Variants in LCMT1 observed in about 807,000 individuals in gnomAD.
LCMT1 encodes [Phosphatase 2A protein]-leucine-carboxy methyltransferase 1.
A neutral mutation model predicts 47.7 loss-of-function variants in LCMT1; 32 were observed. The observed-to-expected ratio is 0.67, with a 90% CI of 0.51 to 0.90. The LOEUF is 0.90. LCMT1 is among the 40% of genes least tolerant of loss of function. LCMT1 has a pLI of 0.00. For missense variants in LCMT1, 375 were observed against 415.2 expected (o/e 0.90, Z 0.84); for synonymous variants, 152 against 149.7 (o/e 1.02, Z -0.11).
intron 5 of LCMT1, among the ~76,000 whole-genome samples, chr16:25,158,303 C>T (rs1351398887): frequency 1.3e-5 from 2 of 152,222 alleles, no homozygotes; most frequent in African/African-American, 2.4e-5. Context: ...AGGTGTGCAC[C>T]ACCACGCCTG....
intron 2 of LCMT1, among the ~76,000 whole-genome samples, chr16:25,130,066 C>T (rs1320670395): frequency 6.6e-6 from 1 of 152,128 alleles, no homozygotes; most frequent in Non-Finnish European, 1.5e-5. Context: ...CAGGGCTGGA[C>T]GTGATGGCTC....
At chr16:25,121,735 A>T (rs1458548969) in intron 1 of LCMT1, among the ~76,000 whole-genome samples, 1 of 152,202 alleles carries the variant, frequency 6.6e-6, no homozygotes, top group Admixed American at 6.5e-5. Context: ...AGATCTCATG[A>T]CATGAGAACA....
chr16:25,120,743 T>TTG (rs1959953332), intron 1 of LCMT1, among the ~76,000 whole-genome samples: 1 of 145,288 alleles, frequency 6.9e-6, no homozygotes, highest in African/African-American at 2.6e-5. Flanking sequence ...TTTTTTGTTT[T>TTG]TTTTTTTTGT....
At chr16:25,141,159 A>G (rs535645447) in intron 4 of LCMT1, 2 of 152,312 alleles carry the variant, frequency 1.3e-5, no homozygotes, top group African/African-American at 4.8e-5. Context: ...AACCTGAAAG[A>G]CACAAACTTT....
intron 10 of LCMT1, among the ~76,000 whole-genome samples, chr16:25,176,357 C>T (rs999493547): frequency 6.6e-5 from 10 of 151,962 alleles, no homozygotes; most frequent in African/African-American, 2.2e-4. Context: ...TGGTCACAAG[C>T]GGGCAGCTGA....
intron 4 of LCMT1, chr16:25,145,066 C>T (rs902893094): frequency 3.9e-5 from 6 of 152,214 alleles, no homozygotes; most frequent in African/African-American, 1.4e-4. Flanking sequence ...CCAAATACTA[C>T]AGAAGCCCAC....
In LCMT1 at chr16:25,150,624, G is replaced by T. The variant is rs563561551; in HGVS notation, c.405-930G>T. ...CTCTCAAAGTGCTGGGATTACAGGC[G>T]TGAGCCACTGTGCCTGGCCCGCATC... is the stretch of plus-strand genomic sequence containing the variant. On this transcript the variant is annotated intron_variant, in intron 4 of 10. Coordinates refer to ENST00000399069, the MANE Select transcript of LCMT1 (RefSeq NM_016309.3). Among the ~76,000 whole-genome samples, 60 of 152,034 alleles carry T rather than the reference G, an allele frequency of 3.9e-4. No individual in the cohort carries two copies. In the Middle Eastern group the frequency reaches 0.01, roughly 26 times the overall value.
intron 1 of LCMT1, among the ~76,000 whole-genome samples, chr16:25,125,024 A>T (rs1270994555): frequency 6.6e-6 from 1 of 152,192 alleles, no homozygotes; most frequent in Non-Finnish European, 1.5e-5. Context: ...GACTGGGAAA[A>T]TCTTTGAGGT....
chr16:25,146,075 TGAG>T (rs1960840976), intron 4 of LCMT1: 1 of 152,116 alleles, frequency 6.6e-6, no homozygotes, highest in Non-Finnish European at 1.5e-5. Flanking sequence ...CATACAGAAA[TGAG>T]GAGAAAAAAG....
At chr16:25,147,625 TC>T (rs1046230815) in intron 4 of LCMT1, 1 of 152,156 alleles carries the variant, frequency 6.6e-6, no homozygotes, top group African/African-American at 2.4e-5. Context: ...TGGCCATTTT[TC>T]TTGATCTAAT....
At chr16:25,114,310 T>A (rs2141619237) in intron 1 of LCMT1, among the ~76,000 whole-genome samples, 1 of 152,300 alleles carries the variant, frequency 6.6e-6, no homozygotes, top group African/African-American at 2.4e-5. Context: ...GTGGAGTGCT[T>A]GCAGCAGTGC....
At chr16:25,131,331 C>T (rs995897670) in intron 2 of LCMT1, among the ~76,000 whole-genome samples, 1 of 152,276 alleles carries the variant, frequency 6.6e-6, no homozygotes, top group African/African-American at 2.4e-5. Flanking sequence ...GGCGGCACCC[C>T]TCTCTTCTAC....
intron 7 of LCMT1, 61 bp downstream of exon 7, chr16:25,164,779 C>T (rs1055493782): frequency 1.2e-6 from 2 of 1,608,270 alleles, no homozygotes; most frequent in African/African-American, 2.7e-5. Flanking sequence ...CTTCCCTCTC[C>T]CAGCACCCTT....
intron 4 of LCMT1, chr16:25,148,219 C>T (rs1379436066): frequency 1.3e-5 from 2 of 152,266 alleles, no homozygotes; most frequent in African/African-American, 2.4e-5. Flanking sequence ...ACAGCAGGTC[C>T]AGGTTCTACT....
At chr16:25,128,305 T>C (rs1019709973) in intron 1 of LCMT1, among the ~76,000 whole-genome samples, 170 bp from the exon 2 acceptor site, 1 of 152,228 alleles carries the variant, frequency 6.6e-6, no homozygotes, top group African/African-American at 2.4e-5. Context: ...GATGAATGGA[T>C]GGCTGCGTCT....
chr16:25,153,139 A>G (rs751517540), intron 5 of LCMT1, among the ~76,000 whole-genome samples: 3 of 151,836 alleles, frequency 2.0e-5, no homozygotes, highest in Non-Finnish European at 4.4e-5. Flanking sequence ...TTTCTAGCCC[A>G]CTCCTCCAGA....
intron 10 of LCMT1, among the ~76,000 whole-genome samples, 160 bp downstream of exon 10, chr16:25,175,194 T>C (rs1961893874): frequency 6.6e-6 from 1 of 152,130 alleles, no homozygotes; most frequent in Non-Finnish European, 1.5e-5. Flanking sequence ...CAGGCTAGAG[T>C]GCAGTGGCAC....
At chr16:25,118,584 C>T (rs34421809) in intron 1 of LCMT1, among the ~76,000 whole-genome samples, 38,765 of 151,692 alleles carry the variant, frequency 0.26, 5,032 homozygotes, top group East Asian at 0.36. Flanking sequence ...TCGTGTGAGA[C>T]GGTGGGAGAT....
chr16:25,132,557 GT>G (rs1315462549), intron 3 of LCMT1, 34 bp downstream of exon 3: 1 of 1,601,448 alleles, frequency 6.2e-7, no homozygotes, highest in East Asian at 2.2e-5. Flanking sequence ...CTCCCCAAGT[GT>G]TTAGATTTTT....
Sources: gnomAD v4.1 joint callset for allele counts (sites outside exome capture counted in the v4.1 genomes callset) on GRCh38, gnomAD v4.1.1 for gene constraint, MANE v1.5 for transcripts, NCBI Gene and HGNC (gene_info 2026-07-23, HGNC 2026-07-21) for gene names.